Variants in LOC400499 observed in about 807,000 individuals in gnomAD.
At chr16:11,490,194 G>C in the LOC400499 span, among the ~76,000 whole-genome samples, 1 of 151,994 alleles carries the variant, frequency 6.6e-6, no homozygotes, top group Non-Finnish European at 1.5e-5. Flanking sequence ...TCAGGAGTTC[G>C]AGACCAGCCT....
chr16:11,402,413 T>C, the LOC400499 span: 3 of 370,886 alleles, frequency 8.1e-6, no homozygotes, highest in African/African-American at 6.2e-5. Flanking sequence ...CTCCAAGAGG[T>C]GGCGTCTGCC....
the LOC400499 span, among the ~76,000 whole-genome samples, chr16:11,379,895 C>A: frequency 6.6e-6 from 1 of 152,198 alleles, no homozygotes; most frequent in Non-Finnish European, 1.5e-5. Context: ...CTGGTAAGTT[C>A]AATCACATAC....
the LOC400499 span, among the ~76,000 whole-genome samples, chr16:11,446,351 T>C: frequency 6.6e-6 from 1 of 151,634 alleles, no homozygotes; most frequent in African/African-American, 2.4e-5. Context: ...AGAAACAGGG[T>C]TTCCATATGT....
At chr16:11,399,064 C>T in the LOC400499 span, among the ~76,000 whole-genome samples, 1 of 152,184 alleles carries the variant, frequency 6.6e-6, no homozygotes, top group African/African-American at 2.4e-5. Flanking sequence ...TCTCCATGGC[C>T]TGGTTCCTGC....
chr16:11,491,947 G>GCT, the LOC400499 span: 4 of 395,852 alleles, frequency 1.0e-5, no homozygotes, highest in African/African-American at 8.2e-5. Flanking sequence ...CCTAGCCCCA[G>GCT]CTGTCCTGAT....
the LOC400499 span, chr16:11,473,315 T>C: frequency 4.0e-5 from 6 of 150,238 alleles, no homozygotes; most frequent in Non-Finnish European, 8.9e-5. Context: ...ATATCTTCAT[T>C]AAATAGAGCC....
chr16:11,427,061 CAT>C, the LOC400499 span, among the ~76,000 whole-genome samples: 1 of 150,506 alleles, frequency 6.6e-6, no homozygotes, highest in South Asian at 2.1e-4. Flanking sequence ...AAATAACACA[CAT>C]GAAGCAGTGC....
chr16:11,468,386 G>C, the LOC400499 span, among the ~76,000 whole-genome samples: 1 of 150,934 alleles, frequency 6.6e-6, no homozygotes, highest in Non-Finnish European at 1.5e-5. Flanking sequence ...TGCAGTGGCA[G>C]AAGCATGGCT....
the LOC400499 span, chr16:11,385,011 G>C: frequency 8.1e-7 from 1 of 1,232,304 alleles, no homozygotes; most frequent in Non-Finnish European, 1.0e-6. Flanking sequence ...GCAGGATGCA[G>C]CTTGAGGTCC....
chr16:11,396,774 C>T, the LOC400499 span: 2 of 959,532 alleles, frequency 2.1e-6, no homozygotes, highest in Non-Finnish European at 2.7e-6. Context: ...CTGCCACCTC[C>T]CAGCCTCCAC....
the LOC400499 span, among the ~76,000 whole-genome samples, chr16:11,386,054 T>C: frequency 6.6e-6 from 1 of 152,236 alleles, no homozygotes; most frequent in East Asian, 1.9e-4. Flanking sequence ...ATGTCACACA[T>C]ACAAGTCATC....
chr16:11,479,782 A>G, the LOC400499 span, among the ~76,000 whole-genome samples: 679 of 151,806 alleles, frequency 4.5e-3, 2 homozygotes, highest in Non-Finnish European at 7.8e-3. Context: ...TATCAACTAA[A>G]CTCCAGAGGT....
At chr16:11,414,891 C>T in the LOC400499 span, among the ~76,000 whole-genome samples, 1 of 152,212 alleles carries the variant, frequency 6.6e-6, no homozygotes, top group East Asian at 1.9e-4. Flanking sequence ...AATGACCTCG[C>T]TCACTTACTT....
the LOC400499 span, chr16:11,472,818 T>C: frequency 6.6e-6 from 1 of 152,182 alleles, no homozygotes; most frequent in Non-Finnish European, 1.5e-5. Flanking sequence ...GTAGTAACTC[T>C]TATCCCGATT....
the LOC400499 span, among the ~76,000 whole-genome samples, chr16:11,387,586 G>A: frequency 1.1e-4 from 17 of 152,184 alleles, no homozygotes; most frequent in Admixed American, 1.1e-3. Context: ...GTCTTGGGCA[G>A]CATGGGCTTA....
At chr16:11,475,633 C>T in the LOC400499 span, 1 of 399,062 alleles carries the variant, frequency 2.5e-6, no homozygotes, top group Non-Finnish European at 4.4e-6. Flanking sequence ...CCTTCCTCAC[C>T]AGTACAGGAC....
At chr16:11,373,452 G>C in the LOC400499 span, among the ~76,000 whole-genome samples, 1 of 152,140 alleles carries the variant, frequency 6.6e-6, no homozygotes, top group Non-Finnish European at 1.5e-5. Flanking sequence ...TCCTGCGTCA[G>C]CCTCCTGAGT....
the LOC400499 span, among the ~76,000 whole-genome samples, chr16:11,499,697 G>A: frequency 6.6e-6 from 1 of 152,134 alleles, no homozygotes; most frequent in East Asian, 1.9e-4. Flanking sequence ...CCAATGCAGG[G>A]GTCTCTGATG....
the LOC400499 span, among the ~76,000 whole-genome samples, chr16:11,485,982 G>T: frequency 6.6e-6 from 1 of 152,178 alleles, no homozygotes; most frequent in Admixed American, 6.5e-5. Flanking sequence ...TGGGTAGGAG[G>T]GTGGACAGAT....
Sources: gnomAD v4.1 joint callset for allele counts (sites outside exome capture counted in the v4.1 genomes callset) on GRCh38, gnomAD v4.1.1 for gene constraint, MANE v1.5 for transcripts.